CSMD1: variants seen among roughly 807,000 people sequenced by gnomAD.
CSMD1 encodes the protein CUB and sushi domain-containing protein 1.
Under a neutral mutation model 417.5 loss-of-function variants are expected in CSMD1, and 213 were observed. That is an observed-to-expected ratio of 0.51 (90% CI 0.46 to 0.57). The LOEUF (loss-of-function observed/expected upper bound fraction) is 0.57. CSMD1 is among the 20% of genes least tolerant of loss of function. The pLI, the probability that CSMD1 is intolerant of heterozygous loss-of-function variation, is 0.00. For synonymous variants in CSMD1, 2,862 were observed against 1,736.8 expected, an observed-to-expected ratio of 1.65 and a Z score of -16.11; for missense variants, 6,923 against 4,529.7, an observed-to-expected ratio of 1.53 and a Z score of -15.17.
At chr8:4,638,763 T>C (rs1156461866) in intron 1 of CSMD1, among the ~76,000 whole-genome samples, 1 of 152,130 alleles carries the variant, frequency 6.6e-6, no homozygotes, top group Non-Finnish European at 1.5e-5. Flanking sequence ...GGGTTTAGGA[T>C]TGACATGACA....
At chr8:4,502,158 A>AT (rs763711880) in intron 2 of CSMD1, among the ~76,000 whole-genome samples, 110 of 152,256 alleles carry the variant, frequency 7.2e-4, no homozygotes, top group Non-Finnish European at 7.8e-4. Flanking sequence ...TAACTTCATG[A>AT]TTACTCCTAA....
chr8:4,988,159 T>C (rs34415424), intron 1 of CSMD1, among the ~76,000 whole-genome samples: 34,525 of 152,220 alleles, frequency 0.23, 4,206 homozygotes, highest in Non-Finnish European at 0.28. Flanking sequence ...ATGTTCTTGA[T>C]CTCATGTCTA....
At chr8:3,524,382 C>A (rs1045304291) in intron 10 of CSMD1, among the ~76,000 whole-genome samples, 1 of 146,758 alleles carries the variant, frequency 6.8e-6, no homozygotes, top group Non-Finnish European at 1.5e-5. Flanking sequence ...CACACATGCA[C>A]ATACACACAC....
chr8:3,647,250 C>A (rs997437711), intron 7 of CSMD1, among the ~76,000 whole-genome samples: 1 of 152,176 alleles, frequency 6.6e-6, no homozygotes, highest in East Asian at 1.9e-4. Context: ...GGATGAGTAA[C>A]AACTCAGATA....
intron 3 of CSMD1, among the ~76,000 whole-genome samples, chr8:4,287,094 T>C (rs867534305): frequency 6.6e-6 from 1 of 152,230 alleles, no homozygotes; most frequent in African/African-American, 2.4e-5. Context: ...AGTTTCAATC[T>C]ACTTCACACA....
intron 4 of CSMD1, among the ~76,000 whole-genome samples, chr8:4,000,519 T>C (rs1815585030): frequency 1.3e-5 from 2 of 152,234 alleles, no homozygotes; most frequent in African/African-American, 4.8e-5. Flanking sequence ...CTAAGCCCCT[T>C]GTGTTGGGAT....
intron 5 of CSMD1, among the ~76,000 whole-genome samples, chr8:3,871,713 A>C (rs530923524): frequency 5.9e-5 from 9 of 152,276 alleles, no homozygotes; most frequent in African/African-American, 1.9e-4. Context: ...TGTCTCAAAA[A>C]ATTGCTTTTG....
At chr8:4,003,451 TAAC>T (rs377751986) in intron 4 of CSMD1, among the ~76,000 whole-genome samples, 1 of 151,208 alleles carries the variant, frequency 6.6e-6, no homozygotes, top group African/African-American at 2.4e-5. Context: ...GATAAGTAAA[TAAC>T]AAGACACAAA....
intron 3 of CSMD1, among the ~76,000 whole-genome samples, chr8:4,181,344 T>C (rs1326668624): frequency 1.3e-5 from 2 of 151,128 alleles, no homozygotes; most frequent in East Asian, 1.9e-4. Flanking sequence ...AATGCAATGG[T>C]ACGGTTTCTC....
At chr8:4,025,531 T>A (rs76237440) in intron 4 of CSMD1, among the ~76,000 whole-genome samples, 1 of 152,216 alleles carries the variant, frequency 6.6e-6, no homozygotes, top group African/African-American at 2.4e-5. Flanking sequence ...TCTAGCTGCT[T>A]CTTCTCTTTT....
rs113035218 is a variant in CSMD1 at position 4,285,723 on chromosome 8, G to A, written c.415+134230C>T. On this transcript the variant is annotated intron_variant, in intron 3 of 69. Transcript: ENST00000635120. ...AACTAGTAAAACAGTCAGGGCCACA[G>A]GCTTCTCATCCTGTTAGGAACTTCA... 1.3e-3 allele frequency among the ~76,000 whole-genome samples: 201 copies of A among 152,280 alleles called. 1 individual carries two copies. The highest frequency in any genetic ancestry group is 4.4e-3 in the African/African-American group (182 of 41,562).
chr8:3,622,008 T>G (rs1796272481), intron 7 of CSMD1, among the ~76,000 whole-genome samples: 1 of 151,668 alleles, frequency 6.6e-6, no homozygotes, highest in Non-Finnish European at 1.5e-5. Context: ...TGTGTGTGTG[T>G]GTGTGTGTGT....
intron 3 of CSMD1, among the ~76,000 whole-genome samples, chr8:4,275,572 A>C (rs535441417): frequency 1.3e-5 from 2 of 152,312 alleles, no homozygotes; most frequent in East Asian, 3.9e-4. Context: ...TGTTCCTAAA[A>C]TTGGCATAGA....
At position 4,845,280 on chromosome 8, in the gene CSMD1, G is replaced by C. The variant is rs966588139; in HGVS notation, c.85+149052C>G. On this transcript the variant is annotated intron_variant, in intron 1 of 69. Coordinates refer to ENST00000635120, the MANE Select transcript of CSMD1 (RefSeq NM_033225.6). Reference sequence around the variant, plus strand: ...CACAAGAAAGCCATCAACATTTTTCGATTTAGAAAACGAACACTGTTAATG... The same window carrying C: ...CACAAGAAAGCCATCAACATTTTTCCATTTAGAAAACGAACACTGTTAATG... Among the ~76,000 whole-genome samples, 4 of 152,056 alleles carry C rather than the reference G, an allele frequency of 2.6e-5. No homozygotes were observed. The East Asian group carries it at 5.8e-4, about 22-fold the overall frequency.
At chr8:4,540,160 T>C (rs955732617) in intron 2 of CSMD1, among the ~76,000 whole-genome samples, 1 of 152,174 alleles carries the variant, frequency 6.6e-6, no homozygotes, top group Non-Finnish European at 1.5e-5. Context: ...TAAAGCATGA[T>C]GGACTCAAGT....
intron 1 of CSMD1, among the ~76,000 whole-genome samples, chr8:4,677,496 T>G (rs1380768423): frequency 6.6e-6 from 1 of 152,162 alleles, no homozygotes; most frequent in South Asian, 2.1e-4. Context: ...TTTTTATATG[T>G]TCAAGCCAGA....
chr8:4,968,803 G>C (rs1377508580), intron 1 of CSMD1, among the ~76,000 whole-genome samples: 3 of 152,120 alleles, frequency 2.0e-5, no homozygotes, highest in Non-Finnish European at 2.9e-5. Context: ...AAGTCTGGCA[G>C]TTGCATCTCT....
intron 5 of CSMD1, among the ~76,000 whole-genome samples, chr8:3,757,765 C>A (rs1215190609): frequency 6.6e-6 from 1 of 151,894 alleles, no homozygotes; most frequent in African/African-American, 2.4e-5. Context: ...AAGAGAATTG[C>A]TTGAACCTGG....
intron 3 of CSMD1, among the ~76,000 whole-genome samples, chr8:4,381,843 G>C (rs1221092666): frequency 2.6e-5 from 4 of 152,036 alleles, no homozygotes; most frequent in Admixed American, 6.6e-5. Context: ...CTTCACCAAA[G>C]CTCAGCATCA....
Sources: allele counts gnomAD v4.1 joint callset (sites outside exome capture counted in the v4.1 genomes callset), GRCh38; gene constraint gnomAD v4.1.1; transcripts MANE v1.5; gene names NCBI Gene and HGNC (gene_info 2026-07-23, HGNC 2026-07-21).